The following SCAF8 variants were observed in gnomAD, a reference collection of about 807,000 sequenced individuals.
The protein encoded by SCAF8 is SR-related and CTD-associated factor 8.
SCAF8 carries 23 observed loss-of-function variants against 140.5 expected under a neutral mutation model. The ratio of observed to expected loss-of-function variants is 0.16; its 90% CI spans 0.12 to 0.23. The LOEUF (loss-of-function observed/expected upper bound fraction) is 0.23. Among genes scored for constraint, SCAF8 ranks in the 10% least tolerant of loss-of-function variants. The pLI is 1.00. For synonymous variants in SCAF8, 575 were observed against 528.9 expected (o/e 1.09, Z -1.20); for missense variants, 1,397 against 1,555.7 (o/e 0.90, Z 1.72).
intron 1 of SCAF8, among the ~76,000 whole-genome samples, chr6:154,737,566 TC>T (rs1278871166): frequency 4.6e-5 from 7 of 151,816 alleles, no homozygotes; most frequent in Non-Finnish European, 8.8e-5. Context: ...GTGCCTGTAG[TC>T]CCAACATGGG....
chr6:154,799,140 G>A (rs962652206), intron 6 of SCAF8, among the ~76,000 whole-genome samples: 3 of 150,742 alleles, frequency 2.0e-5, no homozygotes, highest in African/African-American at 7.3e-5. Flanking sequence ...ACCACGCCGA[G>A]CTAATTTTTG....
Position 154,833,767 on chromosome 6 carries a change from T to G in SCAF8, c.*372T>G, listed in dbSNP as rs991902407. On this transcript the variant is annotated 3_prime_UTR_variant, in exon 20 of 20. Coordinates refer to ENST00000367178, the MANE Select transcript of SCAF8 (RefSeq NM_014892.5). ...TTTCAGAATAGCAAGTGGTGGTATA[T>G]CTTATCCATATCTTTAGGCTGCTGC... The G allele has an allele frequency of 5.8e-6, 1 of 171,648 alleles. No individual in the cohort carries two copies. Among genetic ancestry groups the G allele is most frequent in the African/African-American group, 2.4e-5 (1 of 41,720 alleles). The allele number at this position is 171,648 out of a possible 1,614,324, so 10.6% of individuals were successfully genotyped here.
At chr6:154,786,163 T>C (rs1777252421) in intron 3 of SCAF8, among the ~76,000 whole-genome samples, 1 of 152,192 alleles carries the variant, frequency 6.6e-6, no homozygotes, top group Admixed American at 6.5e-5. Flanking sequence ...ATCAGAGTTT[T>C]TAAAGATAAT....
At chr6:154,825,550 G>A (rs947926597) in intron 17 of SCAF8, among the ~76,000 whole-genome samples, 1 of 147,392 alleles carries the variant, frequency 6.8e-6, no homozygotes, top group South Asian at 2.2e-4. Flanking sequence ...GTACACACCT[G>A]TAGTCCCAGC....
chr6:154,738,195 CAAAAAA>C (rs555772506), intron 1 of SCAF8, among the ~76,000 whole-genome samples: 5 of 119,528 alleles, frequency 4.2e-5, no homozygotes, highest in Non-Finnish European at 8.9e-5. Flanking sequence ...GACTCTGCTT[CAAAAAA>C]AAAAAAAAGA....
intron 1 of SCAF8, among the ~76,000 whole-genome samples, chr6:154,761,821 C>T (rs764322718): frequency 6.6e-6 from 1 of 151,928 alleles, no homozygotes; most frequent in Non-Finnish European, 1.5e-5. Context: ...CACTATTTGT[C>T]GTATTATTTT....
intron 7 of SCAF8, among the ~76,000 whole-genome samples, chr6:154,802,745 A>T (rs1173794189): frequency 6.6e-6 from 1 of 152,110 alleles, no homozygotes; most frequent in Non-Finnish European, 1.5e-5. Flanking sequence ...AGCTTGTCTG[A>T]TTTCTTTCAT....
At chr6:154,785,958 A>G (rs1396140352) in intron 3 of SCAF8, among the ~76,000 whole-genome samples, 2 of 152,234 alleles carry the variant, frequency 1.3e-5, no homozygotes, top group African/African-American at 2.4e-5. Flanking sequence ...GCTTTAGGAA[A>G]TTATTTAGAG....
chr6:154,778,114 C>CAAAT lies in SCAF8; in HGVS notation c.159+71_159+74dup, dbSNP rs930570635. On this transcript the variant is annotated intron_variant, in intron 3 of 19. Transcript: ENST00000367178. Reference sequence around the variant, plus strand: ...ATGCCTGTACTCTTCTCCTTTAGATCAAATACCCAAGTTTAAATTGTTTTG... The same window carrying CAAAT: ...ATGCCTGTACTCTTCTCCTTTAGATCAAATAAATACCCAAGTTTAAATTGTTTTG... 5 of 818,568 alleles carry CAAAT rather than the reference C, an allele frequency of 6.1e-6. No individual in the cohort carries two copies. In the African/African-American group the frequency reaches 8.7e-5, roughly 14 times the overall value. The allele number at this position is 818,568 out of a possible 1,614,324, so 50.7% of individuals were successfully genotyped here. A position where few individuals can be genotyped will look rare whatever the true frequency, so the allele number is the denominator to read the frequency against.
At chr6:154,776,257 A>G (rs2114849681) in intron 2 of SCAF8, among the ~76,000 whole-genome samples, 1 of 151,370 alleles carries the variant, frequency 6.6e-6, no homozygotes, top group African/African-American at 2.4e-5. Flanking sequence ...GTTGTTTTTC[A>G]CTACTTTATT....
At position 154,818,575 on chromosome 6, in the gene SCAF8, G is replaced by C. The variant is rs1397596327; in HGVS notation, c.1618G>C (p.Gly540Arg). ...QKLSSGSYKI[G>R]SKVIKIAWAL... ...ACTCAGTTCTGGATCATATAAAATTGGGTCCAAGGTCATTAAGGTGAGATT... is the reference window on the plus strand; with the variant it reads ...ACTCAGTTCTGGATCATATAAAATTCGGTCCAAGGTCATTAAGGTGAGATT... The change falls in exon 14 of 20, where the codon GGG (glycine) becomes CGG (arginine). Residue 540 changes from glycine (G) to arginine (R), a missense_variant. Coordinates refer to ENST00000367178, the MANE Select transcript of SCAF8 (RefSeq NM_014892.5). 1 of 1,591,200 alleles carries C rather than the reference G, an allele frequency of 6.3e-7. No homozygotes were observed. Among genetic ancestry groups the C allele is most frequent in the African/African-American group, 1.4e-5 (1 of 73,936 alleles).
intron 1 of SCAF8, among the ~76,000 whole-genome samples, chr6:154,761,133 C>T (rs544914711): frequency 6.6e-6 from 1 of 151,968 alleles, no homozygotes; most frequent in African/African-American, 2.4e-5. Flanking sequence ...AAGATTATTT[C>T]TTACATTTGA....
At chr6:154,770,386 ACACTCTCTCTCTCTCTCT>A (rs1422389594) in intron 1 of SCAF8, among the ~76,000 whole-genome samples, 27 of 133,424 alleles carry the variant, frequency 2.0e-4, no homozygotes, top group African/African-American at 8.2e-4. Flanking sequence ...ACACACACAC[ACACTCTCTCTCTCTCTCT>A]CTCTCTCTCT....
intron 1 of SCAF8, among the ~76,000 whole-genome samples, chr6:154,767,440 A>T (rs917437099): frequency 2.0e-5 from 3 of 149,390 alleles, no homozygotes; most frequent in South Asian, 2.1e-4. Flanking sequence ...GGAGATACTC[A>T]TTCTCCTCAA....
intron 1 of SCAF8, among the ~76,000 whole-genome samples, chr6:154,760,400 G>C (rs952357877): frequency 2.6e-5 from 4 of 151,930 alleles, no homozygotes; most frequent in African/African-American, 7.3e-5. Context: ...ATTTAATCTT[G>C]CTAGACAGAT....
Position 154,810,148 on chromosome 6 carries a change from G to C in SCAF8, c.1360G>C (p.Glu454Gln), listed in dbSNP as rs1308625513. 12 of 1,613,484 alleles carry C rather than the reference G, an allele frequency of 7.4e-6. No individual in the cohort carries two copies. Among genetic ancestry groups the C allele is most frequent in the Non-Finnish European group, 1.0e-5 (12 of 1,179,828 alleles). The change falls in exon 12 of 20, where the codon GAA becomes CAA. Residue 454 changes from glutamate (E) to glutamine (Q), a missense_variant. Physicochemically the swap from Glu to Gln is conservative, Grantham distance 29 (BLOSUM62 2). Around this residue, in one of 5 missense-constraint regions of SCAF8, gnomAD observed 339 missense variants for 407.5 expected, o/e 0.83. Transcript: ENST00000367178. ...GTATTCAAGTGAAAGGAGAGCCAGA[G>C]AAAGGGAGAAAGAACGACAGAAAAA... ...RSYSSERRAR[E>Q]REKERQKKGL... is the part of the protein sequence containing the mutation.
intron 9 of SCAF8, among the ~76,000 whole-genome samples, chr6:154,806,935 G>A (rs1323567080): frequency 6.6e-6 from 1 of 152,216 alleles, no homozygotes; most frequent in Non-Finnish European, 1.5e-5. Flanking sequence ...CAGCTCGTCA[G>A]TGATGTAATA....
In SCAF8 at chr6:154,822,264, T is replaced by C. The variant is rs1351166314; in HGVS notation, c.1793-12T>C. On this transcript the variant is annotated splice_polypyrimidine_tract_variant and intron_variant, in intron 15 of 19. Coordinates refer to ENST00000367178, the MANE Select transcript of SCAF8 (RefSeq NM_014892.5). ...CTATCCAAAGGAAATCAATTTCAAC[T>C]ATTTTGTTTAGAGTGGGAAACTGTG... 6.3e-7 allele frequency: 1 copy of C among 1,589,526 alleles called. No individual in the cohort carries two copies. The highest frequency in any genetic ancestry group is 8.5e-7 in the Non-Finnish European group (1 of 1,170,974).
chr6:154,807,511 C>G (rs989933197), intron 9 of SCAF8, among the ~76,000 whole-genome samples: 3 of 152,186 alleles, frequency 2.0e-5, no homozygotes, highest in African/African-American at 7.2e-5. Flanking sequence ...TCCTGAGTAG[C>G]TGGGATTACA....
Sources: allele counts gnomAD v4.1 joint callset (sites outside exome capture counted in the v4.1 genomes callset), GRCh38; gene constraint gnomAD v4.1.1; regional missense constraint gnomAD v4.1.1; transcripts MANE v1.5; gene names NCBI Gene and HGNC (gene_info 2026-07-23, HGNC 2026-07-21).